STPG2: variants seen among roughly 807,000 people sequenced by gnomAD.
The protein encoded by STPG2 is sperm-tail PG-rich repeat-containing protein 2.
In STPG2, 56 loss-of-function variants were observed where a neutral mutation model predicts 54.2. The observed-to-expected ratio is 1.03, with a 90% CI of 0.83 to 1.29. STPG2 has a LOEUF of 1.29. Among genes scored for constraint, STPG2 ranks in the 50% most tolerant of loss-of-function variants. The pLI is 0.00. For synonymous variants in STPG2, 200 were observed against 181.8 expected (o/e 1.10, Z -0.81); for missense variants, 596 against 544.9 (o/e 1.09, Z -0.93).
chr4:98,099,989 T>C (rs191896375), intron 5 of STPG2, among the ~76,000 whole-genome samples: 51 of 152,252 alleles, frequency 3.3e-4, no homozygotes, highest in Non-Finnish European at 6.0e-4. Flanking sequence ...CATACCTATA[T>C]CAAAATAGCT....
At chr4:97,555,492 T>C (rs1359554890), downstream of STPG2, among the ~76,000 whole-genome samples, 1 of 152,148 alleles carries the variant, frequency 6.6e-6, no homozygotes, top group Non-Finnish European at 1.5e-5. Flanking sequence ...TTAATTACCA[T>C]GTTAAGTTTT....
chr4:97,601,208 C>T (rs7691289), intron 10 of STPG2, among the ~76,000 whole-genome samples: 20,104 of 151,950 alleles, frequency 0.13, 4,100 homozygotes, highest in African/African-American at 0.44. Flanking sequence ...AGGACATTGG[C>T]AGGTTCCTTC....
At chr4:97,848,903 C>A (rs889009326) in intron 8 of STPG2, among the ~76,000 whole-genome samples, 5 of 150,280 alleles carry the variant, frequency 3.3e-5, no homozygotes, top group Non-Finnish European at 5.9e-5. Context: ...GTTACTGTAG[C>A]CTTGTAGTAT....
chr4:97,774,364 T>C (rs1297984600), intron 9 of STPG2, among the ~76,000 whole-genome samples: 2 of 152,146 alleles, frequency 1.3e-5, no homozygotes, highest in Non-Finnish European at 2.9e-5. Flanking sequence ...TATAATTCTG[T>C]TTTTATGGCC....
chr4:97,611,163 A>G (rs931809923), intron 10 of STPG2, among the ~76,000 whole-genome samples: 11 of 152,116 alleles, frequency 7.2e-5, no homozygotes, highest in Admixed American at 6.6e-4. Context: ...ATAACAGATA[A>G]AGTACAAACT....
chr4:97,985,942 G>A (rs982549845), intron 5 of STPG2, among the ~76,000 whole-genome samples: 8 of 142,408 alleles, frequency 5.6e-5, no homozygotes, highest in South Asian at 2.3e-4. Context: ...GCACGTGAGC[G>A]CACACAAACA....
intron 8 of STPG2, among the ~76,000 whole-genome samples, chr4:97,902,665 G>A (rs1328193427): frequency 1.3e-5 from 2 of 152,108 alleles, no homozygotes; most frequent in Admixed American, 6.5e-5. Flanking sequence ...CTGAGGATGT[G>A]TAGAAAAGAA....
At chr4:97,656,080 C>T (rs1194783709) in intron 10 of STPG2, among the ~76,000 whole-genome samples, 4 of 152,158 alleles carry the variant, frequency 2.6e-5, no homozygotes, top group East Asian at 1.9e-4. Flanking sequence ...TAGGACTACC[C>T]GTAGAAACAC....
At chr4:97,735,022 G>A (rs1240641304) in intron 9 of STPG2, among the ~76,000 whole-genome samples, 1 of 149,528 alleles carries the variant, frequency 6.7e-6, no homozygotes, top group Non-Finnish European at 1.5e-5. Context: ...GCAGTGAGTT[G>A]AGATGGCGTC....
chr4:97,446,287 T>C (rs1033939129), intron 4 of STPG2, among the ~76,000 whole-genome samples: 1 of 152,240 alleles, frequency 6.6e-6, no homozygotes, highest in African/African-American at 2.4e-5. Context: ...GATCATGTAC[T>C]GGCTATTCTT....
chr4:98,088,428 G>A (rs774324751), intron 5 of STPG2, among the ~76,000 whole-genome samples: 4 of 151,840 alleles, frequency 2.6e-5, no homozygotes, highest in South Asian at 4.2e-4. Context: ...CTCCAACTAG[G>A]TGACAAATAA....
At chr4:97,645,413 A>G (rs1296350481) in intron 10 of STPG2, among the ~76,000 whole-genome samples, 1 of 152,136 alleles carries the variant, frequency 6.6e-6, no homozygotes, top group Non-Finnish European at 1.5e-5. Context: ...GAGTTCATAA[A>G]ATAGTATCAA....
chr4:97,900,033 G>C (rs1228327034), intron 8 of STPG2, among the ~76,000 whole-genome samples: 1 of 148,534 alleles, frequency 6.7e-6, no homozygotes, highest in East Asian at 1.9e-4. Flanking sequence ...ATCTGACAAA[G>C]GTCTAATATC....
intron 10 of STPG2, among the ~76,000 whole-genome samples, chr4:97,597,520 A>G (rs1292162981): frequency 6.6e-6 from 1 of 152,164 alleles, no homozygotes; most frequent in Non-Finnish European, 1.5e-5. Context: ...GCAGTGATCA[A>G]AAAGCTAATC....
At chr4:98,123,263 T>C (rs1198177825) in intron 3 of STPG2, among the ~76,000 whole-genome samples, 1 of 152,212 alleles carries the variant, frequency 6.6e-6, no homozygotes, top group African/African-American at 2.4e-5. Context: ...ATTCTCTAGT[T>C]CTTTTAGTTG....
chr4:97,985,528 ATC>A (rs1451849999), intron 5 of STPG2, among the ~76,000 whole-genome samples: 2 of 152,364 alleles, frequency 1.3e-5, no homozygotes, highest in Non-Finnish European at 2.9e-5. Flanking sequence ...TCAGAAATGT[ATC>A]TGTCTTTATT....
intron 8 of STPG2, among the ~76,000 whole-genome samples, chr4:97,891,153 G>A (rs1043329272): frequency 9.2e-5 from 14 of 151,942 alleles, no homozygotes; most frequent in South Asian, 2.1e-4. Flanking sequence ...TTCTGTGCAC[G>A]CATTACTTTG....
At chr4:97,905,958 T>C (rs1731398088) in intron 8 of STPG2, among the ~76,000 whole-genome samples, 1 of 151,812 alleles carries the variant, frequency 6.6e-6, no homozygotes, top group Admixed American at 6.6e-5. Flanking sequence ...TTAAAAGAAC[T>C]AGAAAAGCAA....
chr4:97,450,443 A>G (rs549335333), intron 4 of STPG2, among the ~76,000 whole-genome samples: 7 of 152,330 alleles, frequency 4.6e-5, no homozygotes, highest in African/African-American at 1.4e-4. Flanking sequence ...CATTGATAAG[A>G]ACTCCCAAGA....
Sources: allele counts gnomAD v4.1 joint callset (sites outside exome capture counted in the v4.1 genomes callset), GRCh38; gene constraint gnomAD v4.1.1; transcripts MANE v1.5; gene names NCBI Gene and HGNC (gene_info 2026-07-23, HGNC 2026-07-21).